Variants in COL6A5 observed in about 807,000 individuals in gnomAD.
The protein encoded by COL6A5 is collagen alpha-5(VI) chain.
In COL6A5, 48 loss-of-function variants were observed where a neutral mutation model predicts 65.6. The observed-to-expected ratio is 0.73, with a 90% CI of 0.58 to 0.93. The LOEUF is 0.93. Ranked by LOEUF, COL6A5 falls within the 40% of genes least tolerant of loss-of-function variation. The pLI is 0.00. For synonymous variants in COL6A5, 291 were observed against 322.8 expected, an observed-to-expected ratio of 0.90 and a Z score of 1.05; for missense variants, 914 against 928.3, an observed-to-expected ratio of 0.98 and a Z score of 0.20.
At chr3:130,438,811 A>G (rs1465180474) in intron 1 of COL6A5, among the ~76,000 whole-genome samples, 1 of 152,196 alleles carries the variant, frequency 6.6e-6, no homozygotes, top group East Asian at 1.9e-4. Context: ...GTAAATGCCC[A>G]ATAAAGAGTT....
chr3:130,463,261 A>G (rs1338642559), intron 5 of COL6A5, among the ~76,000 whole-genome samples: 1 of 152,116 alleles, frequency 6.6e-6, no homozygotes, highest in African/African-American at 2.4e-5. Context: ...AGTAGCCTCA[A>G]TTGTACATGT....
chr3:130,457,384 G>T (rs1424650492), intron 5 of COL6A5, among the ~76,000 whole-genome samples: 2 of 151,924 alleles, frequency 1.3e-5, no homozygotes, highest in African/African-American at 4.8e-5. Context: ...AGCAAAGAAG[G>T]CCATCTTTGC....
intron 29 of COL6A5, among the ~76,000 whole-genome samples, chr3:130,424,394 C>T (rs556690361): frequency 6.6e-6 from 1 of 152,124 alleles, no homozygotes; most frequent in Non-Finnish European, 1.5e-5. Context: ...CGTTCTCAGG[C>T]AGAGTCAGGC....
intron 7 of COL6A5, chr3:130,476,986 A>G: frequency 1.0e-6 from 1 of 972,036 alleles, no homozygotes; most frequent in Non-Finnish European, 1.6e-6. Flanking sequence ...TCTTGCACTC[A>G]TGAAAGCTTA....
At position 130,373,715 on chromosome 3, in the gene COL6A5, T is replaced by C; in HGVS notation, c.67+10T>C. ...GCAGACCAGAGCCCAGGTATCAGTA[T>C]ATTTTACGTTTATTATTATTTAGGA... is the stretch of plus-strand genomic sequence containing the variant. On this transcript the variant is annotated intron_variant and NMD_transcript_variant, in intron 2 of 41. Coordinates refer to the COL6A5 transcript ENST00000312481. 1.3e-6 allele frequency: 2 copies of C among 1,486,264 alleles called. No homozygotes were observed. Among genetic ancestry groups the C allele is most frequent in the Non-Finnish European group, 1.8e-6 (2 of 1,094,256 alleles). 92.1% of individuals were successfully genotyped at this position (1,486,264 alleles called of 1,614,324 possible). A position where few individuals can be genotyped will look rare whatever the true frequency, so the allele number is the denominator to read the frequency against.
At chr3:130,347,185 A>G (rs1478636295) in intron 1 of COL6A5, among the ~76,000 whole-genome samples, 2 of 152,192 alleles carry the variant, frequency 1.3e-5, no homozygotes, top group Non-Finnish European at 2.9e-5. Context: ...TTATTTGCAG[A>G]TATTTCTCAG....
intron 7 of COL6A5, among the ~76,000 whole-genome samples, chr3:130,475,066 T>G (rs1328967132): frequency 8.0e-5 from 11 of 138,026 alleles, no homozygotes; most frequent in African/African-American, 2.1e-4. Flanking sequence ...TCAATGAACT[T>G]GAAGAAAGAT....
chr3:130,355,014 T>C (rs1934872200), intron 1 of COL6A5, among the ~76,000 whole-genome samples: 1 of 152,138 alleles, frequency 6.6e-6, no homozygotes, highest in Non-Finnish European at 1.5e-5. Context: ...TTTAGATATA[T>C]TGGGTTAAGT....
At chr3:130,384,687 A>T in intron 4 of COL6A5, 117 bp from the exon 5 acceptor site, 1 of 763,052 alleles carries the variant, frequency 1.3e-6, no homozygotes, top group Non-Finnish European at 2.1e-6. Context: ...TGCAGGCTCT[A>T]CGCAAAAACG....
At chr3:130,385,360 A>G (rs766917514) in exon 5 of COL6A5, 105 of 1,548,876 alleles carry the variant, frequency 6.8e-5, no homozygotes, top group Admixed American at 2.4e-4. Flanking sequence ...TCTGCGCTGA[A>G]AAAGGTAAGC....
intron 26 of COL6A5, 57 bp from the exon 27 acceptor site, chr3:130,421,268 G>A (rs1937512552): frequency 1.3e-6 from 2 of 1,546,776 alleles, no homozygotes; most frequent in Non-Finnish European, 1.8e-6. Flanking sequence ...AAGAAGAAAT[G>A]TTCATACTGC....
chr3:130,381,159 G>A (rs530239980), intron 4 of COL6A5, among the ~76,000 whole-genome samples: 3 of 152,198 alleles, frequency 2.0e-5, no homozygotes, highest in African/African-American at 7.2e-5. Context: ...AATGGAAGCT[G>A]GGAAATGTGA....
intron 7 of COL6A5, among the ~76,000 whole-genome samples, chr3:130,392,100 C>G (rs1426946077): frequency 6.6e-6 from 1 of 152,174 alleles, no homozygotes; most frequent in Non-Finnish European, 1.5e-5. Flanking sequence ...TTGGTTAATG[C>G]TCTCAATGCA....
At chr3:130,434,033 A>G (rs1250856148) in intron 1 of COL6A5, among the ~76,000 whole-genome samples, 1 of 151,614 alleles carries the variant, frequency 6.6e-6, no homozygotes, top group African/African-American at 2.4e-5. Context: ...ATAGGTATAC[A>G]TGTGCCATGG....
intron 4 of COL6A5, 100 bp from the exon 5 acceptor site, chr3:130,384,704 T>C (rs780020640): frequency 1.3e-5 from 13 of 984,218 alleles, no homozygotes; most frequent in Non-Finnish European, 1.8e-5. Flanking sequence ...AACGAAGTCT[T>C]CATTCTTTAG....
rs781092137 is a variant in COL6A5 at position 130,426,397 on chromosome 3, C to T, written c.5230C>T (p.His1744Tyr). The T allele has an allele frequency of 2.6e-6, 4 of 1,551,174 alleles. No homozygotes were observed. In the South Asian group the frequency reaches 3.6e-5, roughly 14 times the overall value. ...TGATCTGATCCGGTTTTTGCGGGAA[C>T]ATAGTCGTGAGTATCTGTTACGGAA... The change falls in exon 31 of 42, where the codon CAT becomes TAT. Residue 1744 changes from histidine to tyrosine, a missense_variant and NMD_transcript_variant. Coordinates refer to the COL6A5 transcript ENST00000312481.
intron 1 of COL6A5, among the ~76,000 whole-genome samples, chr3:130,367,355 T>A (rs1001933246): frequency 6.6e-6 from 1 of 152,180 alleles, no homozygotes; most frequent in African/African-American, 2.4e-5. Context: ...CTCTTCCCCT[T>A]TGTGCATGAT....
At chr3:130,397,144 G>A (rs1468597102) in intron 8 of COL6A5, among the ~76,000 whole-genome samples, 1 of 152,124 alleles carries the variant, frequency 6.6e-6, no homozygotes, top group Admixed American at 6.5e-5. Flanking sequence ...TGGGATTACA[G>A]GCTTAAGCCA....
At chr3:130,348,881 G>A (rs561305027) in intron 1 of COL6A5, among the ~76,000 whole-genome samples, 4 of 151,792 alleles carry the variant, frequency 2.6e-5, no homozygotes, top group South Asian at 4.2e-4. Context: ...CAGTGATGAT[G>A]AGCTTTTTTT....
Sources: allele counts gnomAD v4.1 joint callset (sites outside exome capture counted in the v4.1 genomes callset), GRCh38; gene constraint gnomAD v4.1.1; transcripts MANE v1.5; gene names NCBI Gene and HGNC (gene_info 2026-07-23, HGNC 2026-07-21).